The following COLEC12 variants were observed in gnomAD, a reference collection of about 807,000 sequenced individuals.
COLEC12 encodes collectin-12.
In COLEC12, 33 loss-of-function variants were observed where a neutral mutation model predicts 71.1. That is an observed-to-expected ratio of 0.46 (90% CI 0.35 to 0.62). The LOEUF is 0.62. COLEC12 is among the 20% of genes least tolerant of loss of function. COLEC12 has a pLI of 0.00. For missense variants in COLEC12, 765 were observed against 916.1 expected (o/e 0.84, Z 2.13); for synonymous variants, 350 against 353.0 (o/e 0.99, Z 0.10).
chr18:373,009 G>A (rs975674758), intron 2 of COLEC12, among the ~76,000 whole-genome samples: 1 of 152,204 alleles, frequency 6.6e-6, no homozygotes, highest in African/African-American at 2.4e-5. Context: ...TCTAGTTAGA[G>A]AGTAACACAG....
At chr18:394,626 C>T (rs1598349894) in intron 2 of COLEC12, among the ~76,000 whole-genome samples, 1 of 152,178 alleles carries the variant, frequency 6.6e-6, no homozygotes, top group Non-Finnish European at 1.5e-5. Flanking sequence ...TTCTTTGAAA[C>T]TGCATAGTAA....
chr18:380,168 C>T (rs547419742), intron 2 of COLEC12, among the ~76,000 whole-genome samples: 18 of 152,282 alleles, frequency 1.2e-4, no homozygotes, highest in Admixed American at 8.5e-4. Flanking sequence ...CATATGAGGC[C>T]TTCATGATGG....
At chr18:388,860 C>T (rs1598347992) in intron 2 of COLEC12, among the ~76,000 whole-genome samples, 1 of 152,158 alleles carries the variant, frequency 6.6e-6, no homozygotes, top group South Asian at 2.1e-4. Context: ...GCCTCCAACT[C>T]TGCACTGCTC....
chr18:453,310 CAAGA>C (rs1916798860), intron 2 of COLEC12, among the ~76,000 whole-genome samples: 1 of 151,962 alleles, frequency 6.6e-6, no homozygotes, highest in South Asian at 2.1e-4. Context: ...AAGAATTAAT[CAAGA>C]AAGAAATGAG....
chr18:401,619 G>A (rs1365427420), intron 2 of COLEC12, among the ~76,000 whole-genome samples: 1 of 152,228 alleles, frequency 6.6e-6, no homozygotes, highest in East Asian at 1.9e-4. Context: ...GAGGGCCAGT[G>A]TTCTGGCCTT....
intron 3 of COLEC12, among the ~76,000 whole-genome samples, chr18:349,655 A>G (rs1436148752): frequency 6.6e-6 from 1 of 152,212 alleles, no homozygotes; most frequent in Non-Finnish European, 1.5e-5. Flanking sequence ...CAGCCATGAA[A>G]GCAGCAGGGA....
chr18:343,690 T>A (rs1261766931), intron 5 of COLEC12, among the ~76,000 whole-genome samples: 2 of 152,152 alleles, frequency 1.3e-5, no homozygotes, highest in Non-Finnish European at 2.9e-5. Flanking sequence ...ATCCTTGGAG[T>A]TAATGGCATC....
intron 2 of COLEC12, among the ~76,000 whole-genome samples, chr18:406,515 C>CAAAAAAAAAAAAAAAAAAAAA (rs34263909): frequency 2.2e-5 from 2 of 90,446 alleles, no homozygotes; most frequent in African/African-American, 4.9e-5. Context: ...GACTCCGTCT[C>CAAAAAAAAAAAAAAAAAAAAA]AAAAAAAAAA....
intron 2 of COLEC12, among the ~76,000 whole-genome samples, chr18:365,406 A>G (rs954795401): frequency 1.3e-5 from 2 of 152,216 alleles, no homozygotes; most frequent in African/African-American, 4.8e-5. Context: ...AGGTACCTTT[A>G]TAATTTCAAA....
Position 346,284 on chromosome 18 carries a change from T to C in COLEC12, c.1327+11A>G, listed in dbSNP as rs1178555268. 1 of 1,574,808 alleles carries C rather than the reference T, an allele frequency of 6.3e-7. No individual in the cohort carries two copies. The highest frequency in any genetic ancestry group is 1.2e-5 in the South Asian group (1 of 86,124). On this transcript the variant is annotated intron_variant, in intron 5 of 9. Coordinates refer to ENST00000400256, the MANE Select transcript of COLEC12 (RefSeq NM_130386.3). The surrounding 1 kb of genome is among the most constrained non-coding windows in gnomAD (Gnocchi z 4.0). ...AACTAATACAAATACAAATTCAGAA[T>C]TTTGACTTACCTTGTAGTATTGTAA...
In COLEC12 at chr18:334,702, C is replaced by T. The variant is rs368686804; in HGVS notation, c.1816+40G>A. On this transcript the variant is annotated intron_variant, in intron 6 of 9. Transcript: ENST00000400256. ...GTTGGCTCAGTCTCAAGCACATGCACTGCCCTGTCCCCCTGGCTGGAGGGA... is the reference window on the plus strand; with the variant it reads ...GTTGGCTCAGTCTCAAGCACATGCATTGCCCTGTCCCCCTGGCTGGAGGGA... 6.9e-6 allele frequency: 10 copies of T among 1,444,480 alleles called. No homozygotes were observed. In the African/African-American group the frequency reaches 1.5e-4, roughly 21 times the overall value. 89.5% of individuals were successfully genotyped at this position (1,444,480 alleles called of 1,614,324 possible).
At chr18:461,492 T>C (rs1429842467) in intron 2 of COLEC12, among the ~76,000 whole-genome samples, 1 of 152,202 alleles carries the variant, frequency 6.6e-6, no homozygotes, top group Non-Finnish European at 1.5e-5. Context: ...GCTCAAGCAG[T>C]CCTCCTGCCT....
At chr18:385,431 T>A (rs947062514) in intron 2 of COLEC12, among the ~76,000 whole-genome samples, 2 of 151,358 alleles carry the variant, frequency 1.3e-5, no homozygotes, top group African/African-American at 4.9e-5. Context: ...CTCAAGCGAT[T>A]CTCCTGCCTC....
chr18:469,197 T>C (rs905900335), intron 2 of COLEC12, among the ~76,000 whole-genome samples: 2 of 152,234 alleles, frequency 1.3e-5, no homozygotes, highest in Non-Finnish European at 2.9e-5. Context: ...CGACCTTATT[T>C]GGAAACCATT....
intron 1 of COLEC12, among the ~76,000 whole-genome samples, chr18:481,722 G>A (rs1917420828): frequency 6.6e-6 from 1 of 151,962 alleles, no homozygotes; most frequent in Non-Finnish European, 1.5e-5. Flanking sequence ...AAAAGAGAGG[G>A]AGAGATGTTT....
chr18:476,848 G>C (rs1290442696), intron 2 of COLEC12, among the ~76,000 whole-genome samples: 2 of 152,214 alleles, frequency 1.3e-5, no homozygotes, highest in African/African-American at 4.8e-5. Flanking sequence ...TGTAACTATA[G>C]TTACGTCCCA....
chr18:320,071 G>A lies in COLEC12; in HGVS notation c.2210-7C>T. 1 of 1,523,078 alleles carries A rather than the reference G, an allele frequency of 6.6e-7. No individual in the cohort carries two copies. Among genetic ancestry groups the A allele is most frequent in the Non-Finnish European group, 9.0e-7 (1 of 1,114,108 alleles). 94.3% of individuals were successfully genotyped at this position (1,523,078 alleles called of 1,614,324 possible). The stretch of plus-strand genomic sequence containing the variant: ...TATAATGCAGATGACAGTACTAAAA[G>A]AGAGAAATAAGAATGGGCATTAGTT... On this transcript the variant is annotated splice_polypyrimidine_tract_variant and splice_region_variant and intron_variant, in intron 9 of 9. Transcript: ENST00000400256.
chr18:412,370 T>C (rs115994948), intron 2 of COLEC12, among the ~76,000 whole-genome samples: 2,161 of 150,350 alleles, frequency 0.014, 47 homozygotes, highest in African/African-American at 0.05. Flanking sequence ...CCAGCAAAAA[T>C]ATCCTTCAGA....
chr18:464,836 T>C (rs1917054300), intron 2 of COLEC12, among the ~76,000 whole-genome samples: 1 of 152,192 alleles, frequency 6.6e-6, no homozygotes, highest in African/African-American at 2.4e-5. Context: ...AAAGAACTCA[T>C]TCCTTATTCC....
Sources: gnomAD v4.1 joint callset for allele counts (sites outside exome capture counted in the v4.1 genomes callset) on GRCh38, gnomAD v4.1.1 for gene constraint, Gnocchi (gnomAD v3.1) non-coding constraint, MANE v1.5 for transcripts, NCBI Gene and HGNC (gene_info 2026-07-23, HGNC 2026-07-21) for gene names.